Variants in ADAMTS17 observed in about 807,000 individuals in gnomAD.
ADAMTS17 encodes the protein ADAM metallopeptidase with thrombospondin type 1 motif 17, also known as A disintegrin and metalloproteinase with thrombospondin motifs 17.
In ADAMTS17, 113 loss-of-function variants were observed where a neutral mutation model predicts 141.5. The observed-to-expected ratio is 0.80, with a 90% CI of 0.69 to 0.93. ADAMTS17 has a LOEUF of 0.93. ADAMTS17 is among the 40% of genes least tolerant of loss of function. ADAMTS17 has a pLI of 0.00. For missense variants in ADAMTS17, 1,659 were observed against 1,517.9 expected, an observed-to-expected ratio of 1.09 and a Z score of -1.54; for synonymous variants, 768 against 630.6, an observed-to-expected ratio of 1.22 and a Z score of -3.27.
At chr15:100,105,295 C>T (rs533696495) in intron 14 of ADAMTS17, among the ~76,000 whole-genome samples, 2 of 152,308 alleles carry the variant, frequency 1.3e-5, no homozygotes, top group East Asian at 1.9e-4. Context: ...AGACCACCAT[C>T]GAGCATCATG....
intron 18 of ADAMTS17, among the ~76,000 whole-genome samples, chr15:100,021,028 G>C (rs1436334665): frequency 6.6e-6 from 1 of 152,010 alleles, no homozygotes. Context: ...CTCTTTCCTT[G>C]GTTCAGTCTG....
intron 4 of ADAMTS17, among the ~76,000 whole-genome samples, chr15:100,271,928 G>A (rs931941676): frequency 2.0e-5 from 3 of 152,004 alleles, no homozygotes; most frequent in Non-Finnish European, 4.4e-5. Context: ...TTGTTCTTTT[G>A]CATACAGATA....
intron 8 of ADAMTS17, among the ~76,000 whole-genome samples, chr15:100,158,846 A>G (rs2039559525): frequency 6.6e-6 from 1 of 152,226 alleles, no homozygotes; most frequent in South Asian, 2.1e-4. Flanking sequence ...AGACATACAA[A>G]TGGCCAGCAG....
Position 100,116,926 on chromosome 15 carries a change from G to T in ADAMTS17, c.1809C>A (p.Ser603Arg). 1.2e-6 allele frequency: 2 copies of T among 1,614,200 alleles called. No homozygotes were observed. Among genetic ancestry groups the T allele is most frequent in the Non-Finnish European group, 1.7e-6 (2 of 1,180,032 alleles). ...ENLPCPKGLP[S>R]FRDQQCQAHD... The stretch of plus-strand genomic sequence containing the variant: ...GTGCCTGGCACTGCTGGTCCCGGAA[G>T]CTGGGCAGACCCTTGGGGCAGGGCA... The change falls in exon 13 of 22, where the codon AGC becomes AGA. Residue 603 changes from serine to arginine, a missense_variant. By Grantham distance (110) the Ser-to-Arg change is moderately radical. Transcript: ENST00000268070.
intron 7 of ADAMTS17, among the ~76,000 whole-genome samples, chr15:100,251,630 C>T (rs909161567): frequency 3.3e-5 from 5 of 152,182 alleles, no homozygotes; most frequent in African/African-American, 1.2e-4. Flanking sequence ...GAGGCTGAGG[C>T]AGGAGAATGG....
chr15:100,108,324 A>G (rs1010204806), intron 14 of ADAMTS17, among the ~76,000 whole-genome samples: 1 of 152,078 alleles, frequency 6.6e-6, no homozygotes, highest in Admixed American at 6.6e-5. Context: ...AGCGCATGCC[A>G]CCATGCCCGG....
chr15:100,072,603 C>T (rs1024257971), intron 15 of ADAMTS17, among the ~76,000 whole-genome samples: 10 of 152,238 alleles, frequency 6.6e-5, no homozygotes. Context: ...AATAATACTG[C>T]ACATCTACAG....
intron 18 of ADAMTS17, among the ~76,000 whole-genome samples, chr15:100,022,714 T>C (rs1232155828): frequency 2.6e-5 from 4 of 152,200 alleles, no homozygotes; most frequent in African/African-American, 9.6e-5. Flanking sequence ...ATAATTCATG[T>C]TCTGAGTAAA....
At chr15:100,242,916 C>T (rs1356465163) in intron 7 of ADAMTS17, among the ~76,000 whole-genome samples, 2 of 152,186 alleles carry the variant, frequency 1.3e-5, no homozygotes, top group Non-Finnish European at 2.9e-5. Context: ...CCATCACCAC[C>T]GTCCACCTAC....
At chr15:100,023,679 C>T (rs929874221) in intron 18 of ADAMTS17, among the ~76,000 whole-genome samples, 2 of 152,180 alleles carry the variant, frequency 1.3e-5, no homozygotes, top group African/African-American at 2.4e-5. Context: ...TTCTGAAAGT[C>T]AGACTCTAGC....
At chr15:100,203,449 G>A (rs1475641240) in intron 7 of ADAMTS17, among the ~76,000 whole-genome samples, 1 of 152,224 alleles carries the variant, frequency 6.6e-6, no homozygotes. Flanking sequence ...GCCCACGCCT[G>A]TAATCCCAGC....
At chr15:100,302,142 G>T (rs2045061736) in intron 3 of ADAMTS17, among the ~76,000 whole-genome samples, 1 of 152,040 alleles carries the variant, frequency 6.6e-6, no homozygotes, top group African/African-American at 2.4e-5. Flanking sequence ...GCCTATTCTG[G>T]GTATTTCACA....
chr15:100,216,994 A>G (rs1193057368), intron 7 of ADAMTS17, among the ~76,000 whole-genome samples: 4 of 152,194 alleles, frequency 2.6e-5, no homozygotes, highest in African/African-American at 4.8e-5. Context: ...AAAAATAATA[A>G]AATTAGTTTC....
At chr15:100,074,455 T>C (rs2034224579) in intron 15 of ADAMTS17, among the ~76,000 whole-genome samples, 2 of 152,142 alleles carry the variant, frequency 1.3e-5, no homozygotes, top group South Asian at 2.1e-4. Context: ...TGAATTTTAC[T>C]GCATGCTCTT....
chr15:100,103,564 T>G (rs1016233999), intron 14 of ADAMTS17, among the ~76,000 whole-genome samples: 2 of 133,628 alleles, frequency 1.5e-5, no homozygotes, highest in Admixed American at 1.6e-4. Flanking sequence ...AATCCATCCA[T>G]CCAGCCACTC....
At chr15:99,994,652 C>G (rs1225280592) in intron 19 of ADAMTS17, among the ~76,000 whole-genome samples, 1 of 152,170 alleles carries the variant, frequency 6.6e-6, no homozygotes, top group Non-Finnish European at 1.5e-5. Context: ...CTGCAACCTC[C>G]GCCTCCCGGG....
chr15:100,224,342 G>A (rs937470877), intron 7 of ADAMTS17, among the ~76,000 whole-genome samples: 1 of 152,162 alleles, frequency 6.6e-6, no homozygotes, highest in African/African-American at 2.4e-5. Context: ...ATATACCAGG[G>A]AGGGAGAGGG....
At chr15:100,284,759 C>T (rs1330054772) in intron 3 of ADAMTS17, among the ~76,000 whole-genome samples, 1 of 152,188 alleles carries the variant, frequency 6.6e-6, no homozygotes, top group Admixed American at 6.5e-5. Context: ...CAAAAATATG[C>T]TTGATAATGC....
At chr15:100,312,507 T>C (rs73485938) in intron 3 of ADAMTS17, among the ~76,000 whole-genome samples, 12,720 of 152,320 alleles carry the variant, frequency 0.084, 601 homozygotes, top group Non-Finnish European at 0.11. Flanking sequence ...ATTTGTGTTA[T>C]TTTACAACAC....
Sources: gnomAD v4.1 joint callset for allele counts (sites outside exome capture counted in the v4.1 genomes callset) on GRCh38, gnomAD v4.1.1 for gene constraint, MANE v1.5 for transcripts, NCBI Gene and HGNC (gene_info 2026-07-23, HGNC 2026-07-21) for gene names.